The following NAV2 variants were observed in gnomAD, a reference collection of about 807,000 sequenced individuals.
NAV2 encodes neuron navigator 2, also known as helicase, APC down-regulated 1.
A neutral mutation model predicts 223.2 loss-of-function variants in NAV2; 54 were observed. The ratio of observed to expected loss-of-function variants is 0.24; its 90% CI spans 0.19 to 0.30. The LOEUF (loss-of-function observed/expected upper bound fraction) is 0.30, where lower values mean the gene tolerates loss of function less well. NAV2 is among the 10% of genes least tolerant of loss of function. The pLI is 1.00. For synonymous variants in NAV2, 1,279 were observed against 1,239.3 expected (o/e 1.03, Z -0.67); for missense variants, 2,806 against 3,147.5 (o/e 0.89, Z 2.60).
chr11:20,028,051 A>G (rs577413416), intron 11 of NAV2, among the ~76,000 whole-genome samples: 3 of 152,290 alleles, frequency 2.0e-5, no homozygotes, highest in Non-Finnish European at 4.4e-5. Flanking sequence ...CTTGATATTA[A>G]AAATTTGCCT....
At chr11:19,406,095 G>A (rs1026653092) in intron 1 of NAV2, among the ~76,000 whole-genome samples, 7 of 152,176 alleles carry the variant, frequency 4.6e-5, no homozygotes, top group African/African-American at 1.7e-4. Context: ...AGGGAGAGGT[G>A]AAACGTATTG....
At chr11:19,881,083 A>G (rs2063177722) in intron 5 of NAV2, among the ~76,000 whole-genome samples, 1 of 152,142 alleles carries the variant, frequency 6.6e-6, no homozygotes, top group South Asian at 2.1e-4. Flanking sequence ...ACCTTGATAT[A>G]CCTTTTATTA....
intron 1 of NAV2, among the ~76,000 whole-genome samples, chr11:19,491,546 G>C (rs559556972): frequency 4.6e-5 from 7 of 152,218 alleles, no homozygotes; most frequent in South Asian, 2.1e-4. Flanking sequence ...TCTCTCTCAG[G>C]CTTCGTGGAA....
chr11:19,934,441 G>C (rs1317956473), intron 7 of NAV2, among the ~76,000 whole-genome samples, 164 bp downstream of exon 7: 2 of 152,162 alleles, frequency 1.3e-5, no homozygotes, highest in Non-Finnish European at 2.9e-5. Context: ...GACACAATGT[G>C]CTCCAGGGAG....
At chr11:19,557,558 A>T (rs1240726428) in intron 1 of NAV2, among the ~76,000 whole-genome samples, 1 of 152,232 alleles carries the variant, frequency 6.6e-6, no homozygotes, top group Non-Finnish European at 1.5e-5. Flanking sequence ...TCTGGTTGCC[A>T]CAAGTCTGCT....
rs1308731346 is a variant in NAV2 at position 19,933,813 on chromosome 11, C to T, written c.1569C>T (p.Asp523=). The part of the protein sequence containing the change: ...RLDLKEEPKE[D]PSGAAVPEMP... ...ACCTCAAGGAGGAGCCAAAAGAAGA[C>T]CCCAGTGGAGCAGCTGTGCCCGAGA... Residue 523 remains aspartate (D), a synonymous_variant, in exon 7 of 38, where the codon GAC becomes GAT. Coordinates refer to ENST00000349880, the MANE Select transcript of NAV2 (RefSeq NM_145117.5). The surrounding 1 kb of genome is among the most constrained non-coding windows in gnomAD (Gnocchi z 4.3). The T allele has an allele frequency of 6.2e-7, 1 of 1,613,652 alleles. No individual in the cohort carries two copies. Among genetic ancestry groups the T allele is most frequent in the Admixed American group, 1.7e-5 (1 of 59,848 alleles).
At chr11:19,943,518 C>G (rs1412527197) in intron 8 of NAV2, among the ~76,000 whole-genome samples, 1 of 152,118 alleles carries the variant, frequency 6.6e-6, no homozygotes, top group Non-Finnish European at 1.5e-5. Context: ...TTTACTCCAT[C>G]CCAGCCTCCA....
chr11:20,115,263 T>C (rs1162326697), intron 37 of NAV2, among the ~76,000 whole-genome samples: 5 of 152,272 alleles, frequency 3.3e-5, no homozygotes, highest in South Asian at 4.1e-4. Context: ...ATGAGTCCCA[T>C]GGCCATTGAG....
intron 3 of NAV2, among the ~76,000 whole-genome samples, chr11:19,849,351 A>AG (rs1307293154): frequency 2.6e-5 from 4 of 152,250 alleles, no homozygotes; most frequent in Admixed American, 6.5e-5. Context: ...AGTTAGGTTT[A>AG]GCTGAGAGTT....
intron 1 of NAV2, among the ~76,000 whole-genome samples, chr11:19,417,259 A>G (rs1278040742): frequency 6.6e-6 from 1 of 152,162 alleles, no homozygotes; most frequent in Admixed American, 6.6e-5. Flanking sequence ...AGAAAAAAAC[A>G]CAACCCCATC....
At chr11:19,369,935 G>A (rs1306749718) in intron 1 of NAV2, among the ~76,000 whole-genome samples, 1 of 152,148 alleles carries the variant, frequency 6.6e-6, no homozygotes, top group Admixed American at 6.5e-5. Flanking sequence ...AGGCTTCTGG[G>A]TTCACTTCTC....
At chr11:19,549,986 G>T (rs923495361) in intron 1 of NAV2, among the ~76,000 whole-genome samples, 2 of 152,220 alleles carry the variant, frequency 1.3e-5, no homozygotes, top group South Asian at 4.1e-4. Flanking sequence ...AGCCTCCCCC[G>T]GCTTCTGCTG....
At chr11:19,402,623 C>T (rs1849733729) in intron 1 of NAV2, among the ~76,000 whole-genome samples, 1 of 152,104 alleles carries the variant, frequency 6.6e-6, no homozygotes, top group Non-Finnish European at 1.5e-5. Flanking sequence ...ATCCCCAGTA[C>T]CTGGAACAAC....
chr11:19,471,003 G>T (rs1454121200), intron 1 of NAV2, among the ~76,000 whole-genome samples: 1 of 152,128 alleles, frequency 6.6e-6, no homozygotes, highest in African/African-American at 2.4e-5. Flanking sequence ...ATCTGGTGGG[G>T]CAAAGAGATA....
intron 1 of NAV2, among the ~76,000 whole-genome samples, chr11:19,515,546 T>C (rs995610667): frequency 1.3e-5 from 2 of 152,240 alleles, no homozygotes; most frequent in African/African-American, 4.8e-5. Flanking sequence ...AACTTTCCAG[T>C]TTCTACATAT....
chr11:19,493,630 C>T (rs1461938252), intron 1 of NAV2, among the ~76,000 whole-genome samples: 7 of 152,142 alleles, frequency 4.6e-5, no homozygotes, highest in Admixed American at 2.6e-4. Flanking sequence ...AGCTGGCTGA[C>T]GAAGTCCCCT....
At chr11:19,416,499 T>C (rs1474319909) in intron 1 of NAV2, among the ~76,000 whole-genome samples, 1 of 152,216 alleles carries the variant, frequency 6.6e-6, no homozygotes, top group East Asian at 1.9e-4. Flanking sequence ...AGAATCAATA[T>C]TGTTAAAATG....
intron 3 of NAV2, among the ~76,000 whole-genome samples, chr11:19,857,871 T>A (rs866379175): frequency 6.6e-6 from 1 of 152,218 alleles, no homozygotes; most frequent in East Asian, 1.9e-4. Flanking sequence ...ATTATTATTA[T>A]TTTTTGAGAC....
At chr11:19,985,459 T>C (rs1565702994) in intron 11 of NAV2, among the ~76,000 whole-genome samples, 1 of 152,184 alleles carries the variant, frequency 6.6e-6, no homozygotes, top group Non-Finnish European at 1.5e-5. Context: ...CCACTAGGGT[T>C]CTAGCTCAAG....
Sources: allele counts gnomAD v4.1 joint callset (sites outside exome capture counted in the v4.1 genomes callset), GRCh38; gene constraint gnomAD v4.1.1; non-coding constraint Gnocchi (gnomAD v3.1); transcripts MANE v1.5; gene names NCBI Gene and HGNC (gene_info 2026-07-23, HGNC 2026-07-21).